The following CPEB3 variants were observed in gnomAD, a reference collection of about 807,000 sequenced individuals.
CPEB3 encodes cytoplasmic polyadenylation element binding protein 3.
A neutral mutation model predicts 67.2 loss-of-function variants in CPEB3; 20 were observed. That is an observed-to-expected ratio of 0.30 (90% CI 0.21 to 0.43). The LOEUF is 0.43. Among genes scored for constraint, CPEB3 ranks in the 20% least tolerant of loss-of-function variants. The pLI, the probability that CPEB3 is intolerant of heterozygous loss-of-function variation, is 1.00. For synonymous variants in CPEB3, 376 were observed against 393.1 expected (o/e 0.96, Z 0.51); for missense variants, 746 against 968.6 (o/e 0.77, Z 3.05).
intron 1 of CPEB3, among the ~76,000 whole-genome samples, chr10:92,289,732 A>AAAAAAAAAAAAAAATATATAT: frequency 4.0e-5 from 3 of 75,768 alleles, no homozygotes; most frequent in Non-Finnish European, 5.1e-5. Flanking sequence ...AAAAAAAAAA[A>AAAAAAAAAAAAAAATATATAT]ATATATATAT....
At chr10:92,128,469 A>C (rs1845699493) in intron 6 of CPEB3, among the ~76,000 whole-genome samples, 1 of 152,194 alleles carries the variant, frequency 6.6e-6, no homozygotes, top group Non-Finnish European at 1.5e-5. Flanking sequence ...AACTCCTTGA[A>C]AGGTGGCCTC....
At chr10:92,261,236 T>A (rs1466214908) in intron 1 of CPEB3, among the ~76,000 whole-genome samples, 1 of 152,170 alleles carries the variant, frequency 6.6e-6, no homozygotes, top group Non-Finnish European at 1.5e-5. Flanking sequence ...CTTTATTATC[T>A]CACTTGATGT....
intron 7 of CPEB3, among the ~76,000 whole-genome samples, chr10:92,095,600 A>ATTTTT (rs11404019): frequency 6.5e-5 from 8 of 123,122 alleles, no homozygotes; most frequent in Non-Finnish European, 9.5e-5. Context: ...ATATATATAT[A>ATTTTT]TTTTTTTTTT....
chr10:92,151,173 A>G (rs778149843), intron 4 of CPEB3, among the ~76,000 whole-genome samples: 31 of 152,162 alleles, frequency 2.0e-4, no homozygotes, highest in Non-Finnish European at 4.3e-4. Context: ...CCTTCAGCAA[A>G]TGATGGAAAA....
chr10:92,078,404 G>A (rs1843015604), intron 9 of CPEB3, among the ~76,000 whole-genome samples: 1 of 152,196 alleles, frequency 6.6e-6, no homozygotes, highest in Non-Finnish European at 1.5e-5. Context: ...CTTAAGAGAA[G>A]TAAAATTTCA....
At chr10:92,268,519 A>C (rs939064502) in intron 1 of CPEB3, among the ~76,000 whole-genome samples, 16 of 152,254 alleles carry the variant, frequency 1.1e-4, no homozygotes, top group African/African-American at 3.9e-4. Context: ...CAGTCACCCA[A>C]AAGAAAACTG....
At chr10:92,241,671 C>T (rs1851857715) in intron 1 of CPEB3, among the ~76,000 whole-genome samples, 2 of 152,130 alleles carry the variant, frequency 1.3e-5, no homozygotes, top group South Asian at 2.1e-4. Flanking sequence ...ACCATACAGC[C>T]TGTTTTCTTA....
At chr10:92,195,943 T>A (rs1210212572) in intron 2 of CPEB3, among the ~76,000 whole-genome samples, 1 of 152,202 alleles carries the variant, frequency 6.6e-6, no homozygotes, top group African/African-American at 2.4e-5. Context: ...AATGTTTTAA[T>A]GTAACAGTCA....
intron 7 of CPEB3, among the ~76,000 whole-genome samples, chr10:92,095,354 T>C (rs1843808768): frequency 1.3e-5 from 2 of 151,012 alleles, no homozygotes; most frequent in Admixed American, 6.7e-5. Flanking sequence ...TTAATCAACA[T>C]AGATGCAGAA....
In CPEB3 at chr10:92,240,269, G is replaced by T; in HGVS notation, c.82C>A (p.Pro28Thr). The T allele has an allele frequency of 6.6e-7, 1 of 1,518,912 alleles. No individual in the cohort carries two copies. The highest frequency in any genetic ancestry group is 1.7e-4 in the Middle Eastern group (1 of 5,786). 94.1% of individuals were successfully genotyped at this position (1,518,912 alleles called of 1,614,324 possible). A position where few individuals can be genotyped will look rare whatever the true frequency, so the allele number is the denominator to read the frequency against. ...GGGGCTTCGGATACGCTGGACTCAGGTTGGGGCTGCTGCTGCTGCCGCTGC... is the reference window on the plus strand; with the variant it reads ...GGGGCTTCGGATACGCTGGACTCAGTTTGGGGCTGCTGCTGCTGCCGCTGC... ...QQQRQQQQPQ[P>T]ESSVSEAPST... The change falls in exon 2 of 10, where the codon CCT becomes ACT. Residue 28 changes from proline to threonine, a missense_variant. By Grantham distance (38) the Pro-to-Thr change is conservative (BLOSUM62 -1). Coordinates refer to ENST00000265997, the MANE Select transcript of CPEB3 (RefSeq NM_014912.5).
intron 2 of CPEB3, among the ~76,000 whole-genome samples, chr10:92,195,210 G>A (rs188421665): frequency 6.6e-6 from 1 of 152,148 alleles, no homozygotes; most frequent in East Asian, 1.9e-4. Flanking sequence ...TTATTTTCAG[G>A]GTCTTGAGCA....
At chr10:92,157,116 C>T (rs1847244972) in intron 4 of CPEB3, among the ~76,000 whole-genome samples, 1 of 152,160 alleles carries the variant, frequency 6.6e-6, no homozygotes, top group African/African-American at 2.4e-5. Context: ...ATTACGACTC[C>T]TCCTTCAGCT....
At chr10:92,234,253 TG>T (rs1299965251) in intron 2 of CPEB3, among the ~76,000 whole-genome samples, 1 of 152,126 alleles carries the variant, frequency 6.6e-6, no homozygotes, top group Non-Finnish European at 1.5e-5. Context: ...AACCAGAACC[TG>T]GGTAAGTCAC....
intron 6 of CPEB3, among the ~76,000 whole-genome samples, chr10:92,139,061 T>G (rs774563456): frequency 6.6e-5 from 10 of 152,032 alleles, no homozygotes; most frequent in Non-Finnish European, 1.5e-4. Flanking sequence ...GTGGATCACC[T>G]GAGGTTGGGA....
chr10:92,127,318 G>A (rs1377069080), intron 6 of CPEB3, among the ~76,000 whole-genome samples: 1 of 152,082 alleles, frequency 6.6e-6, no homozygotes, highest in Non-Finnish European at 1.5e-5. Context: ...GAGGAATACA[G>A]AAAAAGAGGA....
intron 1 of CPEB3, among the ~76,000 whole-genome samples, chr10:92,278,312 A>G (rs970660397): frequency 6.6e-6 from 1 of 152,196 alleles, no homozygotes; most frequent in African/African-American, 2.4e-5. Flanking sequence ...CTGAATCTGT[A>G]GATCAGTTTG....
intron 4 of CPEB3, among the ~76,000 whole-genome samples, chr10:92,180,188 T>C (rs1848400461): frequency 6.9e-6 from 1 of 145,334 alleles, no homozygotes; most frequent in African/African-American, 2.4e-5. Context: ...ATATAATGAC[T>C]TTCCAGTTAG....
chr10:92,131,473 C>A (rs937381382), intron 6 of CPEB3, among the ~76,000 whole-genome samples: 9 of 152,100 alleles, frequency 5.9e-5, no homozygotes, highest in Admixed American at 1.3e-4. Flanking sequence ...GCTGATCCAG[C>A]AACTATTAGA....
chr10:92,246,760 G>A (rs536635827), intron 1 of CPEB3, among the ~76,000 whole-genome samples: 1 of 151,920 alleles, frequency 6.6e-6, no homozygotes, highest in South Asian at 2.1e-4. Context: ...CACCCGCCTC[G>A]GCCTCCCAAA....
Sources: allele counts gnomAD v4.1 joint callset (sites outside exome capture counted in the v4.1 genomes callset), GRCh38; gene constraint gnomAD v4.1.1; transcripts MANE v1.5; gene names NCBI Gene and HGNC (gene_info 2026-07-23, HGNC 2026-07-21).